The following DAAM2 variants were observed in gnomAD, a reference collection of about 807,000 sequenced individuals.
The protein encoded by DAAM2 is dishevelled associated activator of morphogenesis 2.
A neutral mutation model predicts 120.7 loss-of-function variants in DAAM2; 39 were observed. That is an observed-to-expected ratio of 0.32 (90% CI 0.25 to 0.42). The LOEUF is 0.42. Ranked by LOEUF, DAAM2 falls within the 10% of genes least tolerant of loss-of-function variation. The pLI, the probability that DAAM2 is intolerant of heterozygous loss-of-function variation, is 1.00. For missense variants in DAAM2, 1,283 were observed against 1,401.7 expected (o/e 0.92, Z 1.35); for synonymous variants, 488 against 524.9 (o/e 0.93, Z 0.96).
rs1562039581 is a variant in DAAM2, at chr6:39,868,812, T to C, written c.763-11T>C. 6.4e-7 allele frequency: 1 copy of C among 1,565,234 alleles called. No homozygotes were observed. The highest frequency in any genetic ancestry group is 8.7e-7 in the Non-Finnish European group (1 of 1,154,266). ...CCCTCTCCTCCTGCTCTGTCCTGCATTTCCACCTAGACCCTGCTGAACGAG... is the reference window on the plus strand; with the variant it reads ...CCCTCTCCTCCTGCTCTGTCCTGCACTTCCACCTAGACCCTGCTGAACGAG... On this transcript the variant is annotated splice_polypyrimidine_tract_variant and intron_variant, in intron 6 of 24. Coordinates refer to ENST00000274867, the MANE Select transcript of DAAM2 (RefSeq NM_001201427.2).
intron 1 of DAAM2, among the ~76,000 whole-genome samples, chr6:39,808,101 G>A (rs139122851): frequency 1.0e-3 from 155 of 147,856 alleles, no homozygotes; most frequent in Admixed American, 4.3e-3. Context: ...TCTAATTTGC[G>A]GATTTGTTGG....
At chr6:39,817,842 A>G (rs1344244276) in intron 1 of DAAM2, among the ~76,000 whole-genome samples, 1 of 152,102 alleles carries the variant, frequency 6.6e-6, no homozygotes, top group Non-Finnish European at 1.5e-5. Flanking sequence ...AATCTGCTTT[A>G]CTCAGAGTCT....
chr6:39,866,383 TAAC>T (rs757263431), intron 5 of DAAM2, among the ~76,000 whole-genome samples: 1 of 152,238 alleles, frequency 6.6e-6, no homozygotes, highest in Admixed American at 6.5e-5. Context: ...TAGCTATTGT[TAAC>T]AACTTAGTTT....
intron 1 of DAAM2, among the ~76,000 whole-genome samples, chr6:39,832,436 AT>A (rs11305264): frequency 0.094 from 14,313 of 152,070 alleles, 1,348 homozygotes; most frequent in East Asian, 0.32. Context: ...GGTGATGATG[AT>A]TGATGACATA....
chr6:39,794,142 A>G (rs1428656750), intron 1 of DAAM2, among the ~76,000 whole-genome samples: 1 of 152,242 alleles, frequency 6.6e-6, no homozygotes, highest in African/African-American at 2.4e-5. Flanking sequence ...AGTGTAATGA[A>G]GGAGGAGGAA....
intron 19 of DAAM2, among the ~76,000 whole-genome samples, chr6:39,892,314 G>A (rs578078563): frequency 7.9e-5 from 12 of 152,312 alleles, no homozygotes; most frequent in African/African-American, 2.9e-4. Context: ...CACAGCAATC[G>A]CACGGGTGGG....
At chr6:39,850,013 A>T (rs1471821133) in intron 1 of DAAM2, among the ~76,000 whole-genome samples, 1 of 147,394 alleles carries the variant, frequency 6.8e-6, no homozygotes, top group East Asian at 2.0e-4. Flanking sequence ...CAGCTCTGGG[A>T]AGCTCTGAGC....
At chr6:39,798,351 C>T (rs369946206) in intron 1 of DAAM2, among the ~76,000 whole-genome samples, 19 of 152,110 alleles carry the variant, frequency 1.2e-4, no homozygotes, top group Non-Finnish European at 2.2e-4. Flanking sequence ...CAGCCCCTGG[C>T]GGAGAGTAAC....
intron 1 of DAAM2, among the ~76,000 whole-genome samples, chr6:39,817,365 AAAC>A (rs1383764056): frequency 6.6e-6 from 1 of 152,232 alleles, no homozygotes; most frequent in Non-Finnish European, 1.5e-5. Context: ...CAGTGACTGA[AAAC>A]AACAAAGGTG....
At chr6:39,836,441 C>T (rs1287697515) in intron 1 of DAAM2, among the ~76,000 whole-genome samples, 5 of 152,112 alleles carry the variant, frequency 3.3e-5, no homozygotes, top group Admixed American at 2.0e-4. Flanking sequence ...AAGAAAAACG[C>T]GAGGTCATTA....
intron 17 of DAAM2, among the ~76,000 whole-genome samples, chr6:39,890,019 T>C (rs1483730845): frequency 6.6e-6 from 1 of 151,990 alleles, no homozygotes; most frequent in African/African-American, 2.4e-5. Flanking sequence ...TCCCAGCTAC[T>C]TGGGAGGCTG....
intron 21 of DAAM2, 74 bp from the exon 22 acceptor site, chr6:39,898,803 T>C (rs1053756395): frequency 4.3e-5 from 57 of 1,322,600 alleles, no homozygotes; most frequent in Non-Finnish European, 6.0e-5. Flanking sequence ...CTCTGCCCTC[T>C]CCCTGAACCA....
At chr6:39,885,259 T>G (rs2149343431) in intron 15 of DAAM2, 1 of 152,374 alleles carries the variant, frequency 6.6e-6, no homozygotes, top group Admixed American at 6.5e-5. Flanking sequence ...CAGCATCGGA[T>G]TCTCTACTCC....
At chr6:39,889,986 G>A (rs2149354583) in intron 17 of DAAM2, among the ~76,000 whole-genome samples, 1 of 152,158 alleles carries the variant, frequency 6.6e-6, no homozygotes, top group South Asian at 2.1e-4. Context: ...AAATTAGCCA[G>A]GTGTGATGGT....
At chr6:39,843,474 A>T (rs961902851) in intron 1 of DAAM2, among the ~76,000 whole-genome samples, 2 of 152,142 alleles carry the variant, frequency 1.3e-5, no homozygotes, top group Admixed American at 1.3e-4. Flanking sequence ...TTGGAAACAC[A>T]CAAGGAGTGG....
intron 1 of DAAM2, among the ~76,000 whole-genome samples, chr6:39,814,893 T>G (rs1200894162): frequency 6.6e-6 from 1 of 152,216 alleles, no homozygotes; most frequent in Non-Finnish European, 1.5e-5. Flanking sequence ...TCCATTCTCT[T>G]CAGTATTAGC....
intron 1 of DAAM2, among the ~76,000 whole-genome samples, chr6:39,827,876 C>T (rs540903327): frequency 6.6e-6 from 1 of 152,278 alleles, no homozygotes; most frequent in South Asian, 2.1e-4. Flanking sequence ...GCCTGCCCTG[C>T]CGCTCACACT....
chr6:39,885,942 A>C (rs182497062), intron 15 of DAAM2: 236 of 153,620 alleles, frequency 1.5e-3, no homozygotes, highest in South Asian at 2.5e-3. Flanking sequence ...GAGCAAATTC[A>C]AGGGCACTTG....
At chr6:39,813,975 CTG>C (rs1762238206) in intron 1 of DAAM2, among the ~76,000 whole-genome samples, 1 of 152,056 alleles carries the variant, frequency 6.6e-6, no homozygotes, top group African/African-American at 2.4e-5. Context: ...AGAGAGGAAA[CTG>C]AGAACTGGGG....
Sources: allele counts gnomAD v4.1 joint callset (sites outside exome capture counted in the v4.1 genomes callset), GRCh38; gene constraint gnomAD v4.1.1; transcripts MANE v1.5; gene names NCBI Gene and HGNC (gene_info 2026-07-23, HGNC 2026-07-21).